RARB: variants seen among roughly 807,000 people sequenced by gnomAD.
RARB encodes the protein retinoic acid receptor beta.
In RARB, 17 loss-of-function variants were observed where a neutral mutation model predicts 51.9. The ratio of observed to expected loss-of-function variants is 0.33; its 90% CI spans 0.22 to 0.49. The LOEUF (loss-of-function observed/expected upper bound fraction) is 0.49. Ranked by LOEUF, RARB falls within the 20% of genes least tolerant of loss-of-function variation. RARB has a pLI of 0.99. For missense variants in RARB, 369 were observed against 550.8 expected, an observed-to-expected ratio of 0.67 and a Z score of 3.30; for synonymous variants, 215 against 195.4, an observed-to-expected ratio of 1.10 and a Z score of -0.84.
At chr3:25,389,312 GT>G (rs1706882670) in intron 5 of RARB, among the ~76,000 whole-genome samples, 1 of 152,130 alleles carries the variant, frequency 6.6e-6, no homozygotes, top group Non-Finnish European at 1.5e-5. Flanking sequence ...GTACATTGCT[GT>G]GGGTATTGTG....
rs543210008 is a variant in RARB at position 25,432,627 on chromosome 3, G to C, written c.157+3739G>C. 2.6e-5 allele frequency among the ~76,000 whole-genome samples: 4 copies of C among 151,910 alleles called. No individual in the cohort carries two copies. In the South Asian group the frequency reaches 6.2e-4, roughly 24 times the overall value. On this transcript the variant is annotated intron_variant, in intron 1 of 7. Transcript: ENST00000330688. ...GTAAGAATAAAAAAAAGTTCTTCTG[G>C]ATATCAGATGTTTATAATTTACCTT...
At chr3:25,553,953 A>ACTCCCC in intron 3 of RARB, among the ~76,000 whole-genome samples, 1 of 148,946 alleles carries the variant, frequency 6.7e-6, no homozygotes, top group Middle Eastern at 3.4e-3. Flanking sequence ...CTGACTTCCC[A>ACTCCCC]CTCCCCCTCC....
intron 2 of RARB, among the ~76,000 whole-genome samples, chr3:24,932,037 A>G (rs994522578): frequency 6.6e-6 from 1 of 152,064 alleles, no homozygotes; most frequent in Non-Finnish European, 1.5e-5. Flanking sequence ...CCATCTTTGG[A>G]TACCTTTGAT....
chr3:25,232,165 G>T (rs544425215), intron 5 of RARB, among the ~76,000 whole-genome samples: 1 of 151,924 alleles, frequency 6.6e-6, no homozygotes, highest in Non-Finnish European at 1.5e-5. Flanking sequence ...CATTGTTTCT[G>T]GAATCTCTCT....
intron 1 of RARB, among the ~76,000 whole-genome samples, chr3:24,830,239 T>C (rs1702261623): frequency 6.6e-6 from 1 of 150,724 alleles, no homozygotes; most frequent in Admixed American, 6.7e-5. Context: ...GAGAGGTACT[T>C]GGAATCTATG....
intron 5 of RARB, among the ~76,000 whole-genome samples, chr3:25,312,217 T>C (rs1461220691): frequency 1.3e-5 from 2 of 152,208 alleles, no homozygotes; most frequent in African/African-American, 4.8e-5. Flanking sequence ...TTTGGCTAAT[T>C]ACTTTTCTGA....
intron 5 of RARB, among the ~76,000 whole-genome samples, chr3:25,289,540 A>C (rs763822457): frequency 7.2e-5 from 11 of 152,180 alleles, no homozygotes; most frequent in Non-Finnish European, 1.5e-4. Flanking sequence ...TCATTTATTA[A>C]ACTTTGGCAA....
intron 5 of RARB, among the ~76,000 whole-genome samples, chr3:25,282,896 T>G (rs1452401140): frequency 6.6e-6 from 1 of 152,196 alleles, no homozygotes; most frequent in African/African-American, 2.4e-5. Flanking sequence ...GACAGCCTGG[T>G]AAATGTAGTG....
chr3:24,976,963 TCA>T (rs1190605400), intron 2 of RARB, among the ~76,000 whole-genome samples: 2 of 152,222 alleles, frequency 1.3e-5, no homozygotes, highest in African/African-American at 2.4e-5. Context: ...GGATCCAGTT[TCA>T]GTTTTCTGCA....
chr3:25,037,283 C>A (rs954179283), intron 2 of RARB, among the ~76,000 whole-genome samples: 8 of 150,724 alleles, frequency 5.3e-5, no homozygotes, highest in African/African-American at 2.0e-4. Flanking sequence ...TCCTGTTGGC[C>A]ATGGCGAATA....
chr3:25,449,570 G>A (rs1313933833), intron 1 of RARB, among the ~76,000 whole-genome samples: 1 of 152,104 alleles, frequency 6.6e-6, no homozygotes, highest in African/African-American at 2.4e-5. Context: ...GGATGTCATA[G>A]TCTTCTCTCA....
intron 5 of RARB, among the ~76,000 whole-genome samples, chr3:25,363,440 T>C (rs1031547440): frequency 2.0e-5 from 3 of 152,160 alleles, no homozygotes; most frequent in African/African-American, 7.2e-5. Flanking sequence ...AAACCTTCTT[T>C]CCTACAACTT....
At chr3:25,504,736 G>C (rs1474275817) in intron 3 of RARB, among the ~76,000 whole-genome samples, 3 of 150,722 alleles carry the variant, frequency 2.0e-5, no homozygotes, top group East Asian at 3.9e-4. Flanking sequence ...AACTGGACAG[G>C]GTATTTTCTA....
In RARB at chr3:25,418,957, AG is replaced by A. The variant is rs1707783464; in HGVS notation, c.179-42234del. ...AGACAGACTAACCAAAAAAAAAAAAAGGCATATAAAAATTGATTTAATGTAA... is the reference window on the plus strand; with the variant it reads ...AGACAGACTAACCAAAAAAAAAAAAAGCATATAAAAATTGATTTAATGTAA... On this transcript the variant is annotated intron_variant, in intron 5 of 11. Transcript: ENST00000383772. Among the ~76,000 whole-genome samples the A allele has an allele frequency of 1.3e-5, 2 of 151,628 alleles. 1 individual carries two copies. The highest frequency in any genetic ancestry group is 2.9e-5 in the Non-Finnish European group (2 of 67,878).
intron 5 of RARB, among the ~76,000 whole-genome samples, chr3:25,230,951 G>A (rs1227781631): frequency 2.6e-5 from 4 of 151,976 alleles, no homozygotes; most frequent in African/African-American, 7.2e-5. Flanking sequence ...TTCATTTTTT[G>A]TTTTTTGTTA....
chr3:25,260,852 G>A (rs773594075), intron 5 of RARB, among the ~76,000 whole-genome samples: 4 of 152,034 alleles, frequency 2.6e-5, no homozygotes, highest in Non-Finnish European at 5.9e-5. Flanking sequence ...TTAGTATGGT[G>A]GCAGAACGTA....
chr3:25,248,639 A>T (rs1702628930), intron 5 of RARB, among the ~76,000 whole-genome samples: 1 of 152,134 alleles, frequency 6.6e-6, no homozygotes, highest in African/African-American at 2.4e-5. Context: ...ACTAGTGGTG[A>T]TGAATTCCTT....
chr3:24,932,333 A>G (rs1695458157), intron 2 of RARB, among the ~76,000 whole-genome samples: 1 of 151,774 alleles, frequency 6.6e-6, no homozygotes, highest in Admixed American at 6.6e-5. Flanking sequence ...AGAATGGGGG[A>G]TCTGGGAAAA....
chr3:25,084,278 A>T (rs1421960790), intron 3 of RARB, among the ~76,000 whole-genome samples: 1 of 152,216 alleles, frequency 6.6e-6, no homozygotes, highest in East Asian at 1.9e-4. Context: ...CAACTCTCTC[A>T]TGTGTTTCCC....
Sources: allele counts gnomAD v4.1 joint callset (sites outside exome capture counted in the v4.1 genomes callset), GRCh38; gene constraint gnomAD v4.1.1; transcripts MANE v1.5; gene names NCBI Gene and HGNC (gene_info 2026-07-23, HGNC 2026-07-21).